Variants in GRM7 observed in about 807,000 individuals in gnomAD.
GRM7 encodes the protein metabotropic glutamate receptor 7.
In GRM7, 35 loss-of-function variants were observed where a neutral mutation model predicts 84.5. That is an observed-to-expected ratio of 0.41 (90% CI 0.32 to 0.55). The LOEUF (loss-of-function observed/expected upper bound fraction) is 0.55. GRM7 is among the 20% of genes least tolerant of loss of function. The probability of loss-of-function intolerance (pLI) is 0.19; values close to 1 mark genes in which losing one functional copy is unlikely to be tolerated. For synonymous variants in GRM7, 487 were observed against 455.1 expected, an observed-to-expected ratio of 1.07 and a Z score of -0.89; for missense variants, 1,003 against 1,194.6, an observed-to-expected ratio of 0.84 and a Z score of 2.36.
intron 2 of GRM7, among the ~76,000 whole-genome samples, chr3:7,181,100 T>G (rs547513381): frequency 1.3e-5 from 2 of 152,214 alleles, no homozygotes; most frequent in African/African-American, 4.8e-5. Context: ...ATCATAGATA[T>G]AGAGACGGAG....
At chr3:7,677,262 TAAAAAAAA>T (rs557488794) in intron 8 of GRM7, among the ~76,000 whole-genome samples, 1,338 of 36,900 alleles carry the variant, frequency 0.036, 17 homozygotes, top group Middle Eastern at 0.071. Context: ...ACTCTGTCTT[TAAAAAAAA>T]AAAAAAAAAA....
rs1382510692 is a variant in GRM7 at position 7,188,611 on chromosome 3, A to T, written c.736+41943A>T. On this transcript the variant is annotated intron_variant, in intron 2 of 9. Coordinates refer to ENST00000357716, the MANE Select transcript of GRM7 (RefSeq NM_000844.4). The surrounding 1 kb of genome is among the most constrained non-coding windows in gnomAD (Gnocchi z 4.2). ...AATAATGAGAAAAGATATTGGAATA[A>T]AGGATCTACTTGAGTGTATAAGGGT... Among the ~76,000 whole-genome samples the T allele has an allele frequency of 6.6e-6, 1 of 152,170 alleles. No individual in the cohort carries two copies. Among genetic ancestry groups the T allele is most frequent in the Non-Finnish European group, 1.5e-5 (1 of 68,026 alleles).
chr3:7,644,347 A>G (rs1698524390), intron 8 of GRM7, among the ~76,000 whole-genome samples: 1 of 152,144 alleles, frequency 6.6e-6, no homozygotes, highest in South Asian at 2.1e-4. Context: ...GACATGCATA[A>G]ACATATTTCT....
intron 1 of GRM7, among the ~76,000 whole-genome samples, chr3:7,134,151 T>G (rs1053192499): frequency 2.0e-5 from 3 of 152,152 alleles, no homozygotes; most frequent in Non-Finnish European, 4.4e-5. Context: ...TGATGTGTCT[T>G]GGGATCGTAA....
chr3:7,355,339 G>A (rs1693347362), intron 4 of GRM7, among the ~76,000 whole-genome samples: 1 of 152,034 alleles, frequency 6.6e-6, no homozygotes, highest in African/African-American at 2.4e-5. Flanking sequence ...CTAGTTTGTA[G>A]TGGGGCCCAG....
chr3:7,476,182 T>TC (rs1172739369), intron 7 of GRM7, among the ~76,000 whole-genome samples: 1 of 152,094 alleles, frequency 6.6e-6, no homozygotes, highest in Non-Finnish European at 1.5e-5. Context: ...CCAGGCTTCA[T>TC]CCCCCCATCT....
chr3:7,162,398 A>G (rs1011557632), intron 2 of GRM7, among the ~76,000 whole-genome samples: 8 of 152,180 alleles, frequency 5.3e-5, no homozygotes, highest in African/African-American at 1.9e-4. Context: ...TGTCCCAGAG[A>G]CCAAGTAAAA....
intron 1 of GRM7, among the ~76,000 whole-genome samples, chr3:7,064,645 T>C (rs548795139): frequency 7.1e-4 from 108 of 151,244 alleles, no homozygotes; most frequent in Non-Finnish European, 1.4e-3. Flanking sequence ...TGAATTGTGC[T>C]GCTATAAACA....
At chr3:7,604,456 T>A (rs1696465577) in intron 8 of GRM7, among the ~76,000 whole-genome samples, 3 of 152,200 alleles carry the variant, frequency 2.0e-5, no homozygotes, top group Non-Finnish European at 2.9e-5. Flanking sequence ...GCATTATCTA[T>A]GAATTTGGGC....
chr3:7,182,535 A>C (rs1695374732), intron 2 of GRM7, among the ~76,000 whole-genome samples: 1 of 152,228 alleles, frequency 6.6e-6, no homozygotes, highest in Non-Finnish European at 1.5e-5. Context: ...ACAACACAGT[A>C]AATCTAGCAG....
intron 2 of GRM7, among the ~76,000 whole-genome samples, chr3:7,282,043 A>G (rs985741873): frequency 2.0e-5 from 3 of 152,172 alleles, no homozygotes; most frequent in Admixed American, 2.0e-4. Flanking sequence ...AGATTGCGCC[A>G]CTGCACTCCA....
intron 2 of GRM7, among the ~76,000 whole-genome samples, chr3:7,157,603 A>G (rs989662859): frequency 2.0e-5 from 3 of 152,180 alleles, no homozygotes; most frequent in African/African-American, 7.2e-5. Flanking sequence ...AAAAGATACA[A>G]AATGTAATTT....
chr3:6,915,884 T>G (rs1001036926), intron 1 of GRM7, among the ~76,000 whole-genome samples: 4 of 152,220 alleles, frequency 2.6e-5, no homozygotes, highest in African/African-American at 9.6e-5. Flanking sequence ...TAATCCATCT[T>G]TTCTTTCCTA....
chr3:7,159,629 T>C (rs12497688), intron 2 of GRM7, among the ~76,000 whole-genome samples: 28,716 of 152,080 alleles, frequency 0.19, 2,789 homozygotes, highest in Middle Eastern at 0.31. Context: ...TATTTCCTAA[T>C]GGTTGGTAAG....
intron 8 of GRM7, among the ~76,000 whole-genome samples, chr3:7,585,952 A>G (rs1695499822): frequency 6.6e-6 from 1 of 151,922 alleles, no homozygotes; most frequent in Admixed American, 6.6e-5. Context: ...AACTTCATTT[A>G]CCCTCTCTTC....
At chr3:7,253,483 G>C (rs1698081422) in intron 2 of GRM7, among the ~76,000 whole-genome samples, 1 of 151,906 alleles carries the variant, frequency 6.6e-6, no homozygotes, top group South Asian at 2.1e-4. Context: ...CAGGCATGGT[G>C]GTGGGTGCCT....
At chr3:7,157,774 T>C (rs1381147676) in intron 2 of GRM7, among the ~76,000 whole-genome samples, 1 of 151,896 alleles carries the variant, frequency 6.6e-6, no homozygotes, top group Non-Finnish European at 1.5e-5. Context: ...TTTTTGATAA[T>C]GGCAGTAGGC....
intron 1 of GRM7, among the ~76,000 whole-genome samples, chr3:7,061,900 A>C (rs1697444587): frequency 6.6e-6 from 1 of 151,764 alleles, no homozygotes; most frequent in Non-Finnish European, 1.5e-5. Context: ...TCTTTAAAAT[A>C]CAAAATAGCA....
chr3:7,483,054 A>C (rs927815474), intron 7 of GRM7, among the ~76,000 whole-genome samples: 1 of 152,176 alleles, frequency 6.6e-6, no homozygotes, highest in Non-Finnish European at 1.5e-5. Context: ...AAGAAGTAAC[A>C]AGAGGTGAAG....
Sources: gnomAD v4.1 joint callset for allele counts (sites outside exome capture counted in the v4.1 genomes callset) on GRCh38, gnomAD v4.1.1 for gene constraint, Gnocchi (gnomAD v3.1) non-coding constraint, MANE v1.5 for transcripts, NCBI Gene and HGNC (gene_info 2026-07-23, HGNC 2026-07-21) for gene names.